The following ANKS1B variants were observed in gnomAD, a reference collection of about 807,000 sequenced individuals.
The protein encoded by ANKS1B is ankyrin repeat and sterile alpha motif domain containing 1B.
ANKS1B carries 36 observed loss-of-function variants against 148.3 expected under a neutral mutation model. The ratio of observed to expected loss-of-function variants is 0.24; its 90% confidence interval spans 0.19 to 0.32. ANKS1B has a LOEUF of 0.32. ANKS1B is among the 10% of genes least tolerant of loss of function. ANKS1B has a pLI of 1.00. For missense variants in ANKS1B, 1,157 were observed against 1,542.6 expected (o/e 0.75, Z 4.19); for synonymous variants, 542 against 560.8 (o/e 0.97, Z 0.47).
chr12:99,232,700 A>G (rs2087079699), intron 14 of ANKS1B, among the ~76,000 whole-genome samples: 1 of 152,224 alleles, frequency 6.6e-6, no homozygotes. Context: ...GGTTAAAGAA[A>G]TAAAACTTCA....
intron 12 of ANKS1B, among the ~76,000 whole-genome samples, chr12:99,346,848 T>A (rs1238306153): frequency 6.6e-6 from 1 of 151,948 alleles, no homozygotes; most frequent in African/African-American, 2.4e-5. Context: ...TGCTTCCCCT[T>A]CACCTACTGC....
At chr12:99,206,476 C>CAA (rs149730620) in intron 14 of ANKS1B, among the ~76,000 whole-genome samples, 2 of 149,044 alleles carry the variant, frequency 1.3e-5, no homozygotes, top group African/African-American at 4.9e-5. Context: ...AAAAAGATTT[C>CAA]AAAAAAAAAA....
intron 24 of ANKS1B, among the ~76,000 whole-genome samples, chr12:98,774,915 T>C (rs1259803930): frequency 1.3e-5 from 2 of 152,224 alleles, no homozygotes; most frequent in Non-Finnish European, 2.9e-5. Flanking sequence ...ACAAGTAACA[T>C]TCTATTGCAA....
chr12:99,925,014 G>A (rs539115741), intron 1 of ANKS1B, among the ~76,000 whole-genome samples: 1 of 152,140 alleles, frequency 6.6e-6, no homozygotes, highest in South Asian at 2.1e-4. Context: ...GAATTTTTCT[G>A]TTTTGTTCAT....
At chr12:98,906,551 A>G (rs918308) in intron 17 of ANKS1B, among the ~76,000 whole-genome samples, 1 of 152,178 alleles carries the variant, frequency 6.6e-6, no homozygotes, top group African/African-American at 2.4e-5. Flanking sequence ...TGTATATTAC[A>G]AGAGAAAATC....
chr12:98,754,063 C>T (rs11109586), intron 25 of ANKS1B, among the ~76,000 whole-genome samples: 36,319 of 152,098 alleles, frequency 0.24, 4,537 homozygotes, highest in Middle Eastern at 0.28. Context: ...GGGGAAAATG[C>T]CTCTGAGCTT....
At chr12:99,805,557 G>T (rs1345410006) in intron 4 of ANKS1B, among the ~76,000 whole-genome samples, 1 of 152,064 alleles carries the variant, frequency 6.6e-6, no homozygotes, top group East Asian at 1.9e-4. Flanking sequence ...AGCCCAGGAG[G>T]TGGAGGCTGC....
intron 17 of ANKS1B, among the ~76,000 whole-genome samples, chr12:98,959,460 T>C (rs2099867676): frequency 6.6e-6 from 1 of 152,170 alleles, no homozygotes; most frequent in Non-Finnish European, 1.5e-5. Flanking sequence ...ACACATTTGC[T>C]CCAAGGCCAG....
chr12:98,880,155 C>T (rs1264676768), intron 17 of ANKS1B, among the ~76,000 whole-genome samples: 2 of 152,148 alleles, frequency 1.3e-5, no homozygotes, highest in African/African-American at 2.4e-5. Flanking sequence ...TCTCCCATGG[C>T]GACAGAGCCC....
intron 10 of ANKS1B, among the ~76,000 whole-genome samples, chr12:99,448,504 T>C (rs1455397393): frequency 6.6e-6 from 1 of 152,056 alleles, no homozygotes; most frequent in Non-Finnish European, 1.5e-5. Context: ...AGGTTTATCA[T>C]ACAATATGGT....
chr12:98,782,660 T>C (rs2098748914), intron 22 of ANKS1B, among the ~76,000 whole-genome samples: 1 of 152,188 alleles, frequency 6.6e-6, no homozygotes, highest in African/African-American at 2.4e-5. Context: ...CCTGATTGTT[T>C]TGGCACAACA....
intron 12 of ANKS1B, among the ~76,000 whole-genome samples, chr12:99,374,994 A>C (rs11610874): frequency 0.14 from 21,672 of 152,202 alleles, 1,804 homozygotes; most frequent in African/African-American, 0.23. Flanking sequence ...GCTACCTCCC[A>C]ATGGGACACA....
At chr12:99,609,410 C>T (rs899039776) in intron 9 of ANKS1B, among the ~76,000 whole-genome samples, 40 of 151,750 alleles carry the variant, frequency 2.6e-4, no homozygotes, top group African/African-American at 8.2e-4. Flanking sequence ...CAAGAGGGTG[C>T]GAAAAGGTAC....
intron 19 of ANKS1B, among the ~76,000 whole-genome samples, chr12:98,816,526 A>C (rs1036283520): frequency 1.8e-4 from 28 of 152,166 alleles, no homozygotes; most frequent in Admixed American, 6.5e-5. Flanking sequence ...TCCTGGCCTT[A>C]TAGGATCCCC....
intron 17 of ANKS1B, among the ~76,000 whole-genome samples, chr12:98,943,351 T>G (rs1365357536): frequency 6.6e-6 from 1 of 152,244 alleles, no homozygotes; most frequent in Non-Finnish European, 1.5e-5. Context: ...ATTAACTTTC[T>G]ATGGCCTTTA....
intron 1 of ANKS1B, among the ~76,000 whole-genome samples, chr12:99,898,185 G>A (rs1034902294): frequency 2.0e-5 from 3 of 151,988 alleles, no homozygotes; most frequent in East Asian, 1.9e-4. Context: ...TGACTACCCC[G>A]ATTTTTAAAA....
chr12:98,784,119 G>A (rs886241080), intron 22 of ANKS1B, among the ~76,000 whole-genome samples: 4 of 152,332 alleles, frequency 2.6e-5, no homozygotes, highest in South Asian at 2.1e-4. Flanking sequence ...GTGTTTTTGC[G>A]TAAGCATAAT....
At chr12:99,045,032 C>T (rs2099961418) in intron 17 of ANKS1B, among the ~76,000 whole-genome samples, 1 of 152,154 alleles carries the variant, frequency 6.6e-6, no homozygotes, top group Non-Finnish European at 1.5e-5. Flanking sequence ...GCTTTATAAA[C>T]AGTAAGTAAA....
intron 9 of ANKS1B, among the ~76,000 whole-genome samples, chr12:99,652,757 G>A (rs1041776036): frequency 1.3e-5 from 2 of 152,028 alleles, no homozygotes; most frequent in Non-Finnish European, 2.9e-5. Context: ...AAATAGGAAG[G>A]CAGAAATAAA....
Sources: gnomAD v4.1 joint callset for allele counts (sites outside exome capture counted in the v4.1 genomes callset) on GRCh38, gnomAD v4.1.1 for gene constraint, MANE v1.5 for transcripts, NCBI Gene and HGNC (gene_info 2026-07-23, HGNC 2026-07-21) for gene names.